Variants in EPRS1 observed in about 807,000 individuals in gnomAD.
The protein encoded by EPRS1 is bifunctional glutamate/proline--tRNA ligase.
A neutral mutation model predicts 188.3 loss-of-function variants in EPRS1; 107 were observed. The observed-to-expected ratio is 0.57, with a 90% CI of 0.49 to 0.67. EPRS1 has a LOEUF of 0.67. EPRS1 is among the 30% of genes least tolerant of loss of function. The probability of loss-of-function intolerance (pLI) is 0.00; values close to 1 mark genes in which losing one functional copy is unlikely to be tolerated. For missense variants in EPRS1, 1,577 were observed against 1,802.2 expected (o/e 0.88, Z 2.26); for synonymous variants, 596 against 593.1 (o/e 1.00, Z -0.07).
intron 18 of EPRS1, among the ~76,000 whole-genome samples, chr1:219,996,064 C>G (rs1314861708): frequency 1.3e-5 from 2 of 152,162 alleles, no homozygotes; most frequent in Non-Finnish European, 2.9e-5. Context: ...ATGTCTTAAA[C>G]TATGCTGCTG....
At chr1:220,009,864 C>T (rs1661565873) in intron 13 of EPRS1, among the ~76,000 whole-genome samples, 1 of 151,876 alleles carries the variant, frequency 6.6e-6, no homozygotes, top group Non-Finnish European at 1.5e-5. Flanking sequence ...GAGGATGAGG[C>T]AAGCAGATCA....
chr1:219,978,643 T>A lies in EPRS1; in HGVS notation c.3986A>T (p.Asp1329Val). The stretch of plus-strand genomic sequence containing the variant: ...AACACTGAGTAATCGCCTTCGATAA[T>A]CATTGCATTTTGCAATCAGCGCTTC... The part of the protein sequence containing the change: ...DKEALIAKCN[D>V]YRRRLLSVNI... The change falls in exon 28 of 32, where the codon GAT (aspartate) becomes GTT (valine). Residue 1329 changes from aspartate to valine, a missense_variant. Physicochemically the swap from Asp to Val is radical, Grantham distance 152. Coordinates refer to ENST00000366923, the MANE Select transcript of EPRS1 (RefSeq NM_004446.3). 6.2e-7 allele frequency: 1 copy of A among 1,612,924 alleles called. No individual in the cohort carries two copies. Among genetic ancestry groups the A allele is most frequent in the Non-Finnish European group, 8.5e-7 (1 of 1,179,272 alleles).
At chr1:220,046,089 G>C (rs945950664) in intron 1 of EPRS1, among the ~76,000 whole-genome samples, 1 of 152,170 alleles carries the variant, frequency 6.6e-6, no homozygotes, top group African/African-American at 2.4e-5. Flanking sequence ...GCGGAGTCTC[G>C]TGTTGTCTAG....
intron 7 of EPRS1, 142 bp from the exon 8 acceptor site, chr1:220,024,598 T>C (rs1571691305): frequency 1.7e-6 from 1 of 578,796 alleles, no homozygotes; most frequent in Non-Finnish European, 2.9e-6. Context: ...AGTTACATGA[T>C]ATTAGATCAA....
At chr1:220,008,909 C>CA (rs1381800122) in intron 13 of EPRS1, among the ~76,000 whole-genome samples, 1 of 152,116 alleles carries the variant, frequency 6.6e-6, no homozygotes, top group African/African-American at 2.4e-5. Context: ...CTCCTGGCCT[C>CA]AAATGATCTT....
At chr1:219,973,528 A>ACAC in intron 28 of EPRS1, 130 bp from the exon 29 acceptor site, 1 of 366,028 alleles carries the variant, frequency 2.7e-6, no homozygotes, top group Non-Finnish European at 4.3e-6. Flanking sequence ...AAAAAAAACA[A>ACAC]GAGAAAAAAA....
chr1:219,986,431 G>A (rs953113137), intron 20 of EPRS1, among the ~76,000 whole-genome samples: 1 of 152,138 alleles, frequency 6.6e-6, no homozygotes, highest in South Asian at 2.1e-4. Flanking sequence ...TCCCCCACTT[G>A]ATCTGCGATG....
intron 2 of EPRS1, 31 bp downstream of exon 2, chr1:220,040,154 G>T (rs369590114): frequency 7.2e-7 from 1 of 1,384,952 alleles, no homozygotes; most frequent in African/African-American, 1.4e-5. Context: ...AAGCCAATCA[G>T]TACTGAAAAT....
rs1661841028 is a variant in EPRS1 at position 220,020,165 on chromosome 1, G to GT, written c.1171dup (p.Thr391AsnfsTer11). ...GTATTCTGTTGTTCTCAGGGCATGT[G>GT]TAACACCTTCGATGCTGTCAACTAT... On this transcript the variant is annotated frameshift_variant, in exon 10 of 32. Coordinates refer to ENST00000366923, the MANE Select transcript of EPRS1 (RefSeq NM_004446.3). LOFTEE classifies it high-confidence loss of function. 6.2e-7 allele frequency: 1 copy of GT among 1,614,026 alleles called. No homozygotes were observed. The highest frequency in any genetic ancestry group is 8.5e-7 in the Non-Finnish European group (1 of 1,179,962).
At chr1:219,980,316 T>A in intron 25 of EPRS1, 76 bp from the exon 26 acceptor site, 1 of 1,109,518 alleles carries the variant, frequency 9.0e-7, no homozygotes, top group Non-Finnish European at 1.3e-6. Flanking sequence ...CTGCACTACT[T>A]AAGACTAATT....
chr1:219,984,119 G>T, intron 21 of EPRS1, 87 bp downstream of exon 21: 1 of 876,582 alleles, frequency 1.1e-6, no homozygotes, highest in Non-Finnish European at 1.9e-6. Context: ...TATTACTATT[G>T]CCTTTGTGCC....
At chr1:220,001,048 A>G in intron 17 of EPRS1, 90 bp downstream of exon 17, 1 of 790,434 alleles carries the variant, frequency 1.3e-6, no homozygotes, top group South Asian at 1.4e-5. Flanking sequence ...CTCCACAGTA[A>G]GAAAGATAAT....
rs953756 is a variant in EPRS1, at chr1:219,973,073, A to G, written c.4244+165T>C. 2.0e-3 allele frequency among the ~76,000 whole-genome samples: 304 copies of G among 152,268 alleles called. 1 individual carries two copies. Among genetic ancestry groups the G allele is most frequent in the African/African-American group, 7.0e-3 (289 of 41,558 alleles). ...GCAGGTGGCACTTAGAAAAATAACC[A>G]TAATACAAGTAAAAAACCCAGAGAG... is the stretch of plus-strand genomic sequence containing the variant. On this transcript the variant is annotated intron_variant, in intron 29 of 31. Coordinates refer to ENST00000366923, the MANE Select transcript of EPRS1 (RefSeq NM_004446.3).
intron 16 of EPRS1, among the ~76,000 whole-genome samples, chr1:220,002,787 G>A (rs558830461): frequency 6.6e-6 from 1 of 152,088 alleles, no homozygotes; most frequent in African/African-American, 2.4e-5. Context: ...CTGAGCCTGG[G>A]GAGGTCAAGC....
chr1:219,982,940 T>C, intron 22 of EPRS1, 96 bp from the exon 23 acceptor site: 1 of 1,128,626 alleles, frequency 8.9e-7, no homozygotes, highest in Non-Finnish European at 1.3e-6. Flanking sequence ...TAATTTTTGC[T>C]ATATCAATTT....
intron 20 of EPRS1, among the ~76,000 whole-genome samples, chr1:219,986,259 T>C (rs962803566): frequency 6.6e-6 from 1 of 152,240 alleles, no homozygotes; most frequent in African/African-American, 2.4e-5. Context: ...ATTACAATTA[T>C]GCGTCACTTA....
intron 18 of EPRS1, among the ~76,000 whole-genome samples, chr1:219,994,350 A>G (rs1661185084): frequency 1.3e-5 from 2 of 152,306 alleles, no homozygotes; most frequent in South Asian, 4.1e-4. Flanking sequence ...CCTGAGCTAC[A>G]AGGATGGGCT....
At chr1:219,985,388 T>C (rs1013768299) in intron 20 of EPRS1, among the ~76,000 whole-genome samples, 2 of 152,118 alleles carry the variant, frequency 1.3e-5, no homozygotes, top group African/African-American at 4.8e-5. Flanking sequence ...GCCAAATTTA[T>C]GTAAGTTTTT....
intron 2 of EPRS1, among the ~76,000 whole-genome samples, chr1:220,038,082 C>CTTTT (rs35446521): frequency 1.5e-5 from 2 of 133,938 alleles, no homozygotes; most frequent in Non-Finnish European, 3.1e-5. Flanking sequence ...TCAGCTTTAT[C>CTTTT]TTTTTTTTTT....
Sources: gnomAD v4.1 joint callset for allele counts (sites outside exome capture counted in the v4.1 genomes callset) on GRCh38, gnomAD v4.1.1 for gene constraint, MANE v1.5 for transcripts, NCBI Gene and HGNC (gene_info 2026-07-23, HGNC 2026-07-21) for gene names.